Variants in CAMKMT observed in about 807,000 individuals in gnomAD.
CAMKMT encodes CaM KMT.
CAMKMT carries 53 observed loss-of-function variants against 48.0 expected under a neutral mutation model. That is an observed-to-expected ratio of 1.10 (90% CI 0.89 to 1.39). The LOEUF is 1.39. CAMKMT is among the 40% of genes most tolerant of loss of function. The probability of loss-of-function intolerance (pLI) is 0.00; values close to 1 mark genes in which losing one functional copy is unlikely to be tolerated. For missense variants in CAMKMT, 428 were observed against 402.7 expected (o/e 1.06, Z -0.54); for synonymous variants, 165 against 152.3 (o/e 1.08, Z -0.61).
intron 3 of CAMKMT, among the ~76,000 whole-genome samples, chr2:44,512,255 T>C (rs1670601980): frequency 6.6e-6 from 1 of 152,204 alleles, no homozygotes; most frequent in South Asian, 2.1e-4. Context: ...TAGCCAACAT[T>C]TTGACTTTGG....
intron 3 of CAMKMT, among the ~76,000 whole-genome samples, chr2:44,406,668 C>T (rs1188862434): frequency 6.6e-6 from 1 of 152,294 alleles, no homozygotes; most frequent in East Asian, 1.9e-4. Flanking sequence ...ACCATCATGG[C>T]CTACTGCATC....
chr2:44,640,900 G>T lies in CAMKMT; in HGVS notation c.377-63383G>T, dbSNP rs193096895. 1.3e-3 allele frequency among the ~76,000 whole-genome samples: 195 copies of T among 152,264 alleles called. 1 individual carries two copies. Among genetic ancestry groups the T allele is most frequent in the African/African-American group, 4.5e-3 (186 of 41,542 alleles). ...GAACATCTAAGCATGTCCAGCTAGT[G>T]CTGCCTCTTGAAATCATGAGTTCCA... On this transcript the variant is annotated intron_variant, in intron 3 of 10. Transcript: ENST00000378494.
chr2:44,632,393 CGTTA>C (rs956205918), intron 3 of CAMKMT, among the ~76,000 whole-genome samples: 2 of 151,878 alleles, frequency 1.3e-5, no homozygotes, highest in Non-Finnish European at 2.9e-5. Flanking sequence ...TTTTTTGAGG[CGTTA>C]GTTTATTTTT....
chr2:44,597,378 A>G (rs1165062796), intron 3 of CAMKMT, among the ~76,000 whole-genome samples: 1 of 152,222 alleles, frequency 6.6e-6, no homozygotes, highest in African/African-American at 2.4e-5. Flanking sequence ...GTCCATAATT[A>G]TTTCCAGTGA....
chr2:44,403,012 A>T (rs1682537006), intron 3 of CAMKMT, among the ~76,000 whole-genome samples: 1 of 150,272 alleles, frequency 6.7e-6, no homozygotes, highest in Non-Finnish European at 1.5e-5. Flanking sequence ...GTTACAGTAG[A>T]GGCTTTCATT....
chr2:44,581,668 C>T (rs1342094806), intron 3 of CAMKMT, among the ~76,000 whole-genome samples: 1 of 152,192 alleles, frequency 6.6e-6, no homozygotes, highest in African/African-American at 2.4e-5. Context: ...ATATAAAGAG[C>T]ACTGTAAATT....
intron 3 of CAMKMT, among the ~76,000 whole-genome samples, chr2:44,454,260 A>G (rs964920350): frequency 6.6e-6 from 1 of 152,150 alleles, no homozygotes; most frequent in African/African-American, 2.4e-5. Flanking sequence ...AGTTGAGCTA[A>G]TTGCCAGAGC....
chr2:44,387,564 C>T (rs1680893567), intron 2 of CAMKMT, among the ~76,000 whole-genome samples: 1 of 151,964 alleles, frequency 6.6e-6, no homozygotes, highest in Admixed American at 6.6e-5. Flanking sequence ...CTCTTTGTTG[C>T]CTGAGTACTT....
chr2:44,448,473 G>C (rs978811915), intron 3 of CAMKMT, among the ~76,000 whole-genome samples: 7 of 152,130 alleles, frequency 4.6e-5, no homozygotes, highest in Admixed American at 6.5e-5. Context: ...TAAGATTGCT[G>C]GGTCTTTGGA....
chr2:44,476,677 A>C (rs73924775), intron 3 of CAMKMT, among the ~76,000 whole-genome samples: 1 of 151,984 alleles, frequency 6.6e-6, no homozygotes, highest in African/African-American at 2.4e-5. Context: ...GCTTAGAATC[A>C]TATGTTCCAT....
At chr2:44,632,428 G>GT (rs1371938447) in intron 3 of CAMKMT, among the ~76,000 whole-genome samples, 8 of 152,084 alleles carry the variant, frequency 5.3e-5, no homozygotes, top group Non-Finnish European at 8.8e-5. Flanking sequence ...TTCATCGTAT[G>GT]TATTTGAGGT....
intron 3 of CAMKMT, among the ~76,000 whole-genome samples, chr2:44,406,624 T>C (rs1299861399): frequency 6.6e-6 from 1 of 152,214 alleles, no homozygotes; most frequent in East Asian, 1.9e-4. Context: ...TGAGACAACG[T>C]CTCACTCTGT....
intron 1 of CAMKMT, among the ~76,000 whole-genome samples, chr2:44,366,834 G>A (rs1678645973): frequency 6.6e-6 from 1 of 151,978 alleles, no homozygotes; most frequent in Non-Finnish European, 1.5e-5. Flanking sequence ...CGATTCTTGT[G>A]CCTTAGTCTT....
At chr2:44,470,218 T>C (rs1309869789) in intron 3 of CAMKMT, among the ~76,000 whole-genome samples, 2 of 152,232 alleles carry the variant, frequency 1.3e-5, no homozygotes, top group African/African-American at 2.4e-5. Flanking sequence ...TTCTCAATTC[T>C]GTTTTTAAAA....
At chr2:44,532,674 G>A (rs1666551134) in intron 3 of CAMKMT, among the ~76,000 whole-genome samples, 2 of 152,162 alleles carry the variant, frequency 1.3e-5, no homozygotes, top group African/African-American at 4.8e-5. Flanking sequence ...TTATGTGGAA[G>A]CCAGAAAAGA....
At chr2:44,638,906 G>C (rs938859160) in intron 3 of CAMKMT, among the ~76,000 whole-genome samples, 1 of 152,184 alleles carries the variant, frequency 6.6e-6, no homozygotes, top group Admixed American at 6.5e-5. Context: ...CGACACTTTT[G>C]TAGCCACTGG....
At chr2:44,741,970 T>A (rs1326811978) in intron 7 of CAMKMT, among the ~76,000 whole-genome samples, 2 of 152,234 alleles carry the variant, frequency 1.3e-5, no homozygotes, top group Non-Finnish European at 2.9e-5. Context: ...TTTTAATACT[T>A]TAATCTTTTT....
At chr2:44,650,946 C>G (rs1331144431) in intron 3 of CAMKMT, among the ~76,000 whole-genome samples, 1 of 152,002 alleles carries the variant, frequency 6.6e-6, no homozygotes, top group Non-Finnish European at 1.5e-5. Flanking sequence ...ATTAAGACCC[C>G]AATAGCTAGC....
At chr2:44,396,038 TAATA>T (rs1681806038) in intron 3 of CAMKMT, among the ~76,000 whole-genome samples, 1 of 152,138 alleles carries the variant, frequency 6.6e-6, no homozygotes, top group Admixed American at 6.5e-5. Context: ...ATGGATTCTT[TAATA>T]AATAGTATTG....
Sources: allele counts gnomAD v4.1 joint callset (sites outside exome capture counted in the v4.1 genomes callset), GRCh38; gene constraint gnomAD v4.1.1; transcripts MANE v1.5; gene names NCBI Gene and HGNC (gene_info 2026-07-23, HGNC 2026-07-21).